Variants in DENND2B observed in about 807,000 individuals in gnomAD.
DENND2B encodes the protein DENN domain containing 2B.
DENND2B carries 32 observed loss-of-function variants against 116.0 expected under a neutral mutation model. The observed-to-expected ratio is 0.28, with a 90% CI of 0.21 to 0.37. DENND2B has a LOEUF of 0.37. DENND2B is among the 10% of genes least tolerant of loss of function. The pLI is 1.00. For synonymous variants in DENND2B, 588 were observed against 583.9 expected (o/e 1.01, Z -0.10); for missense variants, 1,276 against 1,477.7 (o/e 0.86, Z 2.24).
At chr11:8,847,168 A>G (rs938622156) in intron 3 of DENND2B, among the ~76,000 whole-genome samples, 2 of 152,242 alleles carry the variant, frequency 1.3e-5, no homozygotes, top group African/African-American at 4.8e-5. Flanking sequence ...TGTAGCACCA[A>G]TGAGCCAGCT....
intron 2 of DENND2B, among the ~76,000 whole-genome samples, chr11:8,746,767 T>C (rs1183913032): frequency 1.3e-5 from 2 of 152,188 alleles, no homozygotes; most frequent in African/African-American, 2.4e-5. Context: ...TTTGACTTTA[T>C]CATGGATAGC....
intron 1 of DENND2B, among the ~76,000 whole-genome samples, chr11:8,780,946 G>T (rs1253478403): frequency 6.6e-6 from 1 of 152,176 alleles, no homozygotes; most frequent in African/African-American, 2.4e-5. Context: ...TACACAGGCA[G>T]AGAAGAGCTG....
intron 3 of DENND2B, among the ~76,000 whole-genome samples, chr11:8,847,750 C>T (rs2568049): frequency 1 from 151,948 of 152,276 alleles, 75,812 homozygotes; most frequent in Middle Eastern, 1. Flanking sequence ...ACTAAATGAA[C>T]TGATGAATGC....
chr11:8,744,488 T>C (rs1326673036), intron 2 of DENND2B, among the ~76,000 whole-genome samples: 3 of 152,052 alleles, frequency 2.0e-5, no homozygotes, highest in African/African-American at 4.8e-5. Context: ...AGAGCAGAGA[T>C]AGTACAAAAT....
intron 1 of DENND2B, among the ~76,000 whole-genome samples, chr11:8,893,503 C>T (rs575677440): frequency 3.3e-5 from 5 of 152,262 alleles, no homozygotes; most frequent in Admixed American, 6.5e-5. Flanking sequence ...AAAACCCCAT[C>T]GTCTCAGCCC....
chr11:8,869,780 A>T (rs1274587432), intron 2 of DENND2B, among the ~76,000 whole-genome samples: 2 of 152,232 alleles, frequency 1.3e-5, no homozygotes, highest in African/African-American at 4.8e-5. Context: ...AGAAGCCTTC[A>T]CTTCATGCAT....
chr11:8,830,019 G>A lies in DENND2B; in HGVS notation c.-115+9291C>T, dbSNP rs562608593. Among the ~76,000 whole-genome samples the A allele has an allele frequency of 4.6e-5, 7 of 152,258 alleles. No homozygotes were observed. In the East Asian group the frequency reaches 1.3e-3, roughly 29 times the overall value. On this transcript the variant is annotated intron_variant, in intron 4 of 6. Transcript: ENST00000524757. ...CTCATCTACTCTGGAATATTCTCTA[G>A]GACTCGCCCCCTTCCTCTCTCCTGT...
At chr11:8,789,306 C>T (rs1045309327) in intron 1 of DENND2B, among the ~76,000 whole-genome samples, 4 of 152,224 alleles carry the variant, frequency 2.6e-5, no homozygotes, top group Non-Finnish European at 4.4e-5. Flanking sequence ...CATCTATTCT[C>T]TCTACTTTGG....
intron 3 of DENND2B, 77 bp downstream of exon 3, chr11:8,729,873 A>G (rs1489411776): frequency 5.8e-6 from 9 of 1,543,624 alleles, no homozygotes; most frequent in Non-Finnish European, 7.9e-6. Context: ...GACCCATCCT[A>G]CAATCTGTGT....
intron 1 of DENND2B, among the ~76,000 whole-genome samples, chr11:8,899,812 C>T (rs187750298): frequency 2.0e-4 from 30 of 152,290 alleles, no homozygotes; most frequent in African/African-American, 7.0e-4. Flanking sequence ...GGACTCTATA[C>T]ATATGTTTCT....
chr11:8,908,218 A>T (rs949986968), intron 1 of DENND2B, among the ~76,000 whole-genome samples: 2 of 152,164 alleles, frequency 1.3e-5, no homozygotes, highest in African/African-American at 2.4e-5. Context: ...CACACAAAAA[A>T]TTTTTTTAAG....
chr11:8,694,778 A>G (rs1398243703), intron 19 of DENND2B: 3 of 341,462 alleles, frequency 8.8e-6, no homozygotes, highest in African/African-American at 6.5e-5. Flanking sequence ...ATCTATTTAC[A>G]GCTGGGCATG....
At position 8,718,341 on chromosome 11, in the gene DENND2B, A is replaced by G. The variant is rs1489373024; in HGVS notation, c.1478-449T>C. ...TGTCCCTTCACCCAACTCTCAGGGG[A>G]TCTCCCTGGGGACCTACTTTGGAGG... On this transcript the variant is annotated intron_variant, in intron 4 of 19. Coordinates refer to ENST00000313726, the MANE Select transcript of DENND2B (RefSeq NM_213618.2). The G allele has an allele frequency of 2.0e-6, 3 of 1,531,352 alleles. No individual in the cohort carries two copies. The South Asian group carries it at 3.6e-5, about 18-fold the overall frequency. 94.9% of individuals were successfully genotyped at this position (1,531,352 alleles called of 1,614,324 possible).
At chr11:8,784,252 GA>G (rs34873883) in intron 1 of DENND2B, 45,574 of 116,914 alleles carry the variant, frequency 0.39, 7,575 homozygotes, top group Middle Eastern at 0.49. Flanking sequence ...CATCTCTACC[GA>G]AAAAAAAAAA....
chr11:8,787,342 T>C (rs548387639), intron 1 of DENND2B: 1 of 22,694 alleles, frequency 4.4e-5, no homozygotes, highest in South Asian at 6.8e-3. Context: ...ACAGTTTTCT[T>C]TTTCATTTTT....
intron 1 of DENND2B, among the ~76,000 whole-genome samples, chr11:8,764,942 CAAAAAAAAA>C (rs35421038): frequency 3.9e-4 from 39 of 100,284 alleles, no homozygotes; most frequent in Middle Eastern, 4.9e-3. Flanking sequence ...GAGACTGTCT[CAAAAAAAAA>C]AAAAAAAAAA....
At chr11:8,724,009 A>G (rs1031040621) in intron 4 of DENND2B, among the ~76,000 whole-genome samples, 2 of 152,236 alleles carry the variant, frequency 1.3e-5, no homozygotes, top group Non-Finnish European at 2.9e-5. Context: ...CCCTCTCTTC[A>G]TAAGATTCCA....
chr11:8,875,909 C>T (rs1322432480), upstream of DENND2B, among the ~76,000 whole-genome samples: 6 of 151,988 alleles, frequency 3.9e-5, no homozygotes, highest in Non-Finnish European at 8.8e-5. Flanking sequence ...CGTTGAGTCC[C>T]CATACAGCAT....
rs140526372 is a variant in DENND2B at position 8,828,741 on chromosome 11, C to T, written c.-115+10569G>A. ...AGTGCCACCACCATTTCAGGGAACA[C>T]TGACCAAACAGAAGATTCCACGCTG... On this transcript the variant is annotated intron_variant, in intron 4 of 6. Coordinates refer to the DENND2B transcript ENST00000524757. 1.5e-3 allele frequency among the ~76,000 whole-genome samples: 236 copies of T among 152,308 alleles called. 1 individual carries two copies. Among genetic ancestry groups the T allele is most frequent in the Admixed American group, 0.012 (180 of 15,290 alleles).
Sources: allele counts gnomAD v4.1 joint callset (sites outside exome capture counted in the v4.1 genomes callset), GRCh38; gene constraint gnomAD v4.1.1; transcripts MANE v1.5; gene names NCBI Gene and HGNC (gene_info 2026-07-23, HGNC 2026-07-21).